TRERF1: variants seen among roughly 807,000 people sequenced by gnomAD.
TRERF1 encodes transcriptional-regulating factor 1.
In TRERF1, 27 loss-of-function variants were observed where a neutral mutation model predicts 122.9. That is an observed-to-expected ratio of 0.22 (90% confidence interval 0.16 to 0.30). The LOEUF (loss-of-function observed/expected upper bound fraction) is 0.30, where lower values mean the gene tolerates loss of function less well. Ranked by LOEUF, TRERF1 falls within the 10% of genes least tolerant of loss-of-function variation. The pLI, the probability that TRERF1 is intolerant of heterozygous loss-of-function variation, is 1.00. For synonymous variants in TRERF1, 636 were observed against 641.7 expected (o/e 0.99, Z 0.13); for missense variants, 1,248 against 1,560.3 (o/e 0.80, Z 3.37).
chr6:42,437,836 G>A (rs1239555278), intron 2 of TRERF1, among the ~76,000 whole-genome samples: 1 of 152,162 alleles, frequency 6.6e-6, no homozygotes, highest in African/African-American at 2.4e-5. Context: ...TCCTCATGCA[G>A]TTGTTCTGAG....
intron 2 of TRERF1, among the ~76,000 whole-genome samples, chr6:42,439,655 C>G (rs1338314771): frequency 6.6e-6 from 1 of 152,144 alleles, no homozygotes; most frequent in African/African-American, 2.4e-5. Flanking sequence ...CGAGGGCACC[C>G]TGGCCCATTC....
At chr6:42,312,825 G>A (rs939046351) in intron 3 of TRERF1, among the ~76,000 whole-genome samples, 1 of 152,208 alleles carries the variant, frequency 6.6e-6, no homozygotes, top group African/African-American at 2.4e-5. Flanking sequence ...CACTCTCCAG[G>A]AACACAAGGG....
In TRERF1 at chr6:42,408,373, C is replaced by CTTTT. The variant is rs34753779; in HGVS notation, c.-454+42800_-454+42803dup. ...TGTGTGTGTATATATATATATATAT[C>CTTTT]TTTTTTTTTTTTTTTTTTTGAGAAA... On this transcript the variant is annotated intron_variant, in intron 2 of 17. Coordinates refer to ENST00000372922, the Ensembl canonical transcript of TRERF1. Among the ~76,000 whole-genome samples the CTTTT allele has an allele frequency of 1.3e-3, 79 of 62,970 alleles. 6 individuals carry two copies. The highest frequency in any genetic ancestry group is 4.2e-3 in the East Asian group (9 of 2,130). 41.3% of individuals were successfully genotyped at this position (62,970 alleles called of 152,430 possible).
chr6:42,405,548 A>T (rs1171903879), intron 2 of TRERF1, among the ~76,000 whole-genome samples: 1 of 152,180 alleles, frequency 6.6e-6, no homozygotes, highest in Non-Finnish European at 1.5e-5. Flanking sequence ...TAATCCCAGC[A>T]TTTTGGGAGG....
At chr6:42,423,173 T>G (rs1783054677) in intron 2 of TRERF1, among the ~76,000 whole-genome samples, 1 of 152,112 alleles carries the variant, frequency 6.6e-6, no homozygotes. Context: ...GCAGGATGCT[T>G]TATCCATCCC....
chr6:42,299,091 T>C (rs2150224031), intron 4 of TRERF1, among the ~76,000 whole-genome samples: 1 of 134,404 alleles, frequency 7.4e-6, no homozygotes, highest in South Asian at 2.4e-4. Context: ...TATCTATCTA[T>C]CTATCTGTCT....
chr6:42,390,717 C>T (rs1265921128), intron 2 of TRERF1, among the ~76,000 whole-genome samples: 1 of 152,174 alleles, frequency 6.6e-6, no homozygotes, highest in African/African-American at 2.4e-5. Flanking sequence ...TCACCGCTCC[C>T]GTCAACAGTG....
intron 5 of TRERF1, 24 bp from the exon 6 acceptor site, chr6:42,265,821 C>T: frequency 1.9e-6 from 3 of 1,611,520 alleles, no homozygotes; most frequent in South Asian, 1.1e-5. Context: ...AAACAGGACA[C>T]CGAAAAAAAG....
At chr6:42,312,547 C>T (rs772058638) in intron 3 of TRERF1, among the ~76,000 whole-genome samples, 1 of 152,218 alleles carries the variant, frequency 6.6e-6, no homozygotes, top group Non-Finnish European at 1.5e-5. Context: ...ATGGAAACAA[C>T]CTCCTTGGCC....
Position 42,303,565 on chromosome 6 carries a change from T to C in TRERF1, c.-370-2816A>G, listed in dbSNP as rs528747739. Among the ~76,000 whole-genome samples the C allele has an allele frequency of 1.8e-4, 28 of 152,250 alleles. 1 individual carries two copies. The highest frequency in any genetic ancestry group is 1.8e-3 in the Admixed American group (28 of 15,296). Reference sequence around the variant, plus strand: ...AGGCTCTTAATCAGGACTGCACTGTTTCTTAACCTCACACTGTGCTCCAAT... The same window carrying C: ...AGGCTCTTAATCAGGACTGCACTGTCTCTTAACCTCACACTGTGCTCCAAT... On this transcript the variant is annotated intron_variant, in intron 3 of 17. Transcript: ENST00000372922.
intron 2 of TRERF1, among the ~76,000 whole-genome samples, chr6:42,430,741 C>CA (rs1340492722): frequency 6.6e-6 from 1 of 152,028 alleles, no homozygotes; most frequent in Non-Finnish European, 1.5e-5. Context: ...TACTAAAATA[C>CA]AAAAAATTAG....
chr6:42,362,376 A>T (rs1581792319), intron 3 of TRERF1, among the ~76,000 whole-genome samples: 1 of 152,354 alleles, frequency 6.6e-6, no homozygotes, highest in African/African-American at 2.4e-5. Context: ...TGTCGCCAAG[A>T]ATGTGTGGAG....
At chr6:42,331,708 G>A (rs1765265427) in intron 3 of TRERF1, among the ~76,000 whole-genome samples, 1 of 152,136 alleles carries the variant, frequency 6.6e-6, no homozygotes, top group Admixed American at 6.5e-5. Context: ...TGAGCCACAG[G>A]GCTGGGTGCT....
intron 3 of TRERF1, among the ~76,000 whole-genome samples, chr6:42,344,622 C>T (rs1767923760): frequency 6.6e-6 from 1 of 152,150 alleles, no homozygotes; most frequent in Non-Finnish European, 1.5e-5. Context: ...GCGGTTCCTG[C>T]CCAGTGCTAC....
At chr6:42,346,060 C>A (rs148988797) in intron 3 of TRERF1, among the ~76,000 whole-genome samples, 4 of 152,376 alleles carry the variant, frequency 2.6e-5, no homozygotes, top group Admixed American at 1.3e-4. Context: ...CCCTTAACGG[C>A]ACAGTGCTTA....
chr6:42,393,735 T>C lies in TRERF1; in HGVS notation c.-453-30656A>G, dbSNP rs1268923089. On this transcript the variant is annotated intron_variant, in intron 2 of 17. Transcript: ENST00000372922. The surrounding 1 kb of genome is among the most constrained non-coding windows in gnomAD (Gnocchi z 4.1). ...ATAGGGGAGCTGGTTAAATAAGTTA[T>C]AGAACTTCCGCATAATAGAATGCTG... 3.3e-5 allele frequency among the ~76,000 whole-genome samples: 5 copies of C among 152,184 alleles called. No individual in the cohort carries two copies. Among genetic ancestry groups the C allele is most frequent in the Admixed American group, 6.5e-5 (1 of 15,276 alleles).
chr6:42,338,227 C>G (rs1766579457), intron 3 of TRERF1, among the ~76,000 whole-genome samples: 1 of 152,160 alleles, frequency 6.6e-6, no homozygotes, highest in Non-Finnish European at 1.5e-5. Context: ...TGCTGGGCAC[C>G]ATGGGGAAAG....
At chr6:42,378,231 C>A (rs918009095) in intron 2 of TRERF1, among the ~76,000 whole-genome samples, 1 of 152,080 alleles carries the variant, frequency 6.6e-6, no homozygotes, top group African/African-American at 2.4e-5. Context: ...GAGGGCTGAA[C>A]ACTTGGCTGA....
chr6:42,281,725 G>C (rs967244882), intron 4 of TRERF1, among the ~76,000 whole-genome samples: 9 of 152,172 alleles, frequency 5.9e-5, no homozygotes, highest in African/African-American at 1.9e-4. Context: ...AGGGGTGGCT[G>C]TAGGAGGGAC....
Sources: allele counts gnomAD v4.1 joint callset (sites outside exome capture counted in the v4.1 genomes callset), GRCh38; gene constraint gnomAD v4.1.1; non-coding constraint Gnocchi (gnomAD v3.1); transcripts MANE v1.5; gene names NCBI Gene and HGNC (gene_info 2026-07-23, HGNC 2026-07-21).